Variants in CACHD1 observed in about 807,000 individuals in gnomAD.
CACHD1 encodes VWFA and cache domain-containing protein 1.
In CACHD1, 71 loss-of-function variants were observed where a neutral mutation model predicts 138.7. That is an observed-to-expected ratio of 0.51 (90% confidence interval 0.42 to 0.62). The LOEUF is 0.62. Among genes scored for constraint, CACHD1 ranks in the 20% least tolerant of loss-of-function variants. The probability of loss-of-function intolerance (pLI) is 0.00; values close to 1 mark genes in which losing one functional copy is unlikely to be tolerated. For synonymous variants in CACHD1, 578 were observed against 591.5 expected (o/e 0.98, Z 0.33); for missense variants, 1,389 against 1,625.3 (o/e 0.85, Z 2.50).
chr1:64,494,343 A>G (rs1437114657), intron 1 of CACHD1, among the ~76,000 whole-genome samples: 3 of 152,098 alleles, frequency 2.0e-5, no homozygotes, highest in Non-Finnish European at 4.4e-5. Flanking sequence ...TTTTCTAACT[A>G]TCTTCCCTCC....
At chr1:64,634,769 C>A (rs139094006) in intron 7 of CACHD1, among the ~76,000 whole-genome samples, 10 of 152,034 alleles carry the variant, frequency 6.6e-5, no homozygotes, top group African/African-American at 2.4e-4. Context: ...TCAAGGCAGG[C>A]GGATCACAAG....
In CACHD1 at chr1:64,556,070, A is replaced by C. The variant is rs1169653200; in HGVS notation, c.261+5414A>C. Among the ~76,000 whole-genome samples, 3 of 152,200 alleles carry C rather than the reference A, an allele frequency of 2.0e-5. No individual in the cohort carries two copies. In the East Asian group the frequency reaches 5.8e-4, roughly 29 times the overall value. ...AGATTCCTTGGTTTCCCATCTTCAA[A>C]CCCTGAGGTTTATCTCCTATCCCTG... is the stretch of plus-strand genomic sequence containing the variant. On this transcript the variant is annotated intron_variant, in intron 2 of 26. Coordinates refer to ENST00000651257, the MANE Select transcript of CACHD1 (RefSeq NM_020925.4).
chr1:64,557,910 T>C (rs1646810730), intron 2 of CACHD1, among the ~76,000 whole-genome samples: 1 of 152,186 alleles, frequency 6.6e-6, no homozygotes. Context: ...GCAGTTCTTC[T>C]GCCTCAGCCT....
chr1:64,658,622 C>A (rs1027754096), intron 12 of CACHD1, 83 bp from the exon 13 acceptor site: 3 of 935,316 alleles, frequency 3.2e-6, no homozygotes, highest in Non-Finnish European at 4.8e-6. Context: ...AAGGTAGAGG[C>A]AGTAGAAAAT....
intron 2 of CACHD1, among the ~76,000 whole-genome samples, chr1:64,562,664 G>A (rs1042356395): frequency 1.3e-5 from 2 of 149,558 alleles, no homozygotes; most frequent in Non-Finnish European, 3.0e-5. Context: ...CTTGTGATCT[G>A]CCTGCCTTGG....
At chr1:64,491,193 G>A (rs1261647128) in intron 1 of CACHD1, among the ~76,000 whole-genome samples, 1 of 151,400 alleles carries the variant, frequency 6.6e-6, no homozygotes, top group Non-Finnish European at 1.5e-5. Context: ...CCTGTATATA[G>A]TAACTAACCC....
chr1:64,500,251 G>C (rs935031516), intron 1 of CACHD1, among the ~76,000 whole-genome samples: 1 of 152,146 alleles, frequency 6.6e-6, no homozygotes, highest in Admixed American at 6.5e-5. Flanking sequence ...TGGAGTCTAT[G>C]GGAGAGCACT....
chr1:64,654,024 G>C (rs543961490), intron 11 of CACHD1, 143 bp downstream of exon 11: 2 of 714,600 alleles, frequency 2.8e-6, no homozygotes, highest in Non-Finnish European at 4.2e-6. Flanking sequence ...TAATGTTTCC[G>C]TAAGAATAGC....
chr1:64,564,938 G>A (rs1049537218), intron 2 of CACHD1, among the ~76,000 whole-genome samples: 1 of 151,888 alleles, frequency 6.6e-6, no homozygotes, highest in Non-Finnish European at 1.5e-5. Flanking sequence ...AGACAAGAGC[G>A]GGTACAGAAG....
intron 3 of CACHD1, among the ~76,000 whole-genome samples, chr1:64,597,429 T>C (rs927736350): frequency 6.6e-6 from 1 of 151,292 alleles, no homozygotes; most frequent in African/African-American, 2.4e-5. Context: ...GGGGAAGAGA[T>C]CAAAGTGGGA....
chr1:64,507,676 G>A (rs970787971), intron 1 of CACHD1, among the ~76,000 whole-genome samples: 5 of 152,294 alleles, frequency 3.3e-5, no homozygotes, highest in African/African-American at 9.6e-5. Context: ...GAAGAAGTAA[G>A]AATAAGTTTT....
chr1:64,498,161 G>A (rs141553141), intron 1 of CACHD1, among the ~76,000 whole-genome samples: 211 of 152,144 alleles, frequency 1.4e-3, no homozygotes, highest in African/African-American at 4.9e-3. Context: ...ATATCCTCAT[G>A]GAGCTAACAG....
chr1:64,500,731 AAAAAG>A (rs1481634252), intron 1 of CACHD1, among the ~76,000 whole-genome samples: 5 of 38,260 alleles, frequency 1.3e-4, no homozygotes, highest in Admixed American at 3.4e-4. Flanking sequence ...AAAAAAAAAA[AAAAAG>A]AGAGAGAGAG....
rs750725562 is a variant in CACHD1, at chr1:64,648,015, C to T, written c.1371C>T (p.Phe457=). 1 of 1,612,958 alleles carries T rather than the reference C, an allele frequency of 6.2e-7. No homozygotes were observed. The highest frequency in any genetic ancestry group is 8.5e-7 in the Non-Finnish European group (1 of 1,179,564). The change falls in exon 9 of 27, where the codon TTC becomes TTT. Residue 457 remains phenylalanine, a synonymous_variant. Coordinates refer to ENST00000651257, the MANE Select transcript of CACHD1 (RefSeq NM_020925.4). ...MIDEAVFSLP[F]SDEMGDGLIM... is the part of the protein sequence containing the mutation. ...ATGAAGCCGTCTTCAGCCTGCCCTT[C>T]TCTGATGAGATGGGAGATGGTGAGT...
At chr1:64,554,095 G>A (rs114760548) in intron 2 of CACHD1, among the ~76,000 whole-genome samples, 2,692 of 152,182 alleles carry the variant, frequency 0.018, 33 homozygotes, top group Non-Finnish European at 0.019. Flanking sequence ...GCAGTGGCAC[G>A]ATCATTGCCC....
chr1:64,476,557 G>A (rs1461329361), intron 1 of CACHD1, among the ~76,000 whole-genome samples: 1 of 152,178 alleles, frequency 6.6e-6, no homozygotes, highest in Non-Finnish European at 1.5e-5. Flanking sequence ...AAACTGCTGT[G>A]TTGCTTTCTT....
intron 4 of CACHD1, among the ~76,000 whole-genome samples, chr1:64,614,201 T>C (rs1321528559): frequency 6.6e-6 from 1 of 152,250 alleles, no homozygotes; most frequent in African/African-American, 2.4e-5. Context: ...TCCCTGTGCA[T>C]TGCTCTTCTT....
chr1:64,584,366 G>A (rs551446848), intron 3 of CACHD1, among the ~76,000 whole-genome samples: 1 of 152,188 alleles, frequency 6.6e-6, no homozygotes, highest in Admixed American at 6.5e-5. Context: ...TAGCACATTG[G>A]GGATCTTCAT....
At chr1:64,643,586 C>T (rs190673365) in intron 8 of CACHD1, among the ~76,000 whole-genome samples, 8 of 152,258 alleles carry the variant, frequency 5.3e-5, no homozygotes, top group Admixed American at 2.0e-4. Context: ...CCTGTAATCC[C>T]AGCACTTTGG....
Sources: allele counts gnomAD v4.1 joint callset (sites outside exome capture counted in the v4.1 genomes callset), GRCh38; gene constraint gnomAD v4.1.1; transcripts MANE v1.5; gene names NCBI Gene and HGNC (gene_info 2026-07-23, HGNC 2026-07-21).